Variants in PXDNL observed in about 807,000 individuals in gnomAD.
PXDNL encodes the protein peroxidasin like, also known as probable oxidoreductase PXDNL.
PXDNL carries 145 observed loss-of-function variants against 150.8 expected under a neutral mutation model. The observed-to-expected ratio is 0.96, with a 90% CI of 0.84 to 1.10. PXDNL has a LOEUF of 1.10. Ranked by LOEUF, PXDNL falls within the 50% of genes least tolerant of loss-of-function variation. The pLI is 0.00. For synonymous variants in PXDNL, 757 were observed against 725.7 expected (o/e 1.04, Z -0.69); for missense variants, 2,087 against 1,873.9 (o/e 1.11, Z -2.10).
chr8:51,595,286 G>A (rs1010614514), intron 2 of PXDNL, among the ~76,000 whole-genome samples: 2 of 151,968 alleles, frequency 1.3e-5, no homozygotes, highest in Admixed American at 1.3e-4. Flanking sequence ...ATACTGTGTG[G>A]TTGGAAATAT....
At chr8:51,611,430 T>G (rs1813997691) in intron 2 of PXDNL, among the ~76,000 whole-genome samples, 1 of 152,140 alleles carries the variant, frequency 6.6e-6, no homozygotes, top group Admixed American at 6.5e-5. Context: ...TTTTAAGGAG[T>G]CTTAACTATT....
At chr8:51,624,279 C>A (rs7012523) in intron 2 of PXDNL, among the ~76,000 whole-genome samples, 11,135 of 152,026 alleles carry the variant, frequency 0.073, 1,367 homozygotes, top group African/African-American at 0.25. Context: ...CTATGCAGCA[C>A]CAGACCAGGC....
chr8:51,556,135 G>A (rs116386871), intron 4 of PXDNL, among the ~76,000 whole-genome samples: 2,239 of 152,166 alleles, frequency 0.015, 54 homozygotes, highest in African/African-American at 0.05. Flanking sequence ...AGCTGGGCAT[G>A]ATGGGGCATA....
At chr8:51,790,024 T>C (rs1490887192) in intron 1 of PXDNL, among the ~76,000 whole-genome samples, 1 of 152,206 alleles carries the variant, frequency 6.6e-6, no homozygotes, top group Non-Finnish European at 1.5e-5. Context: ...AACAATCCAA[T>C]GCTTGTTTTT....
Position 51,449,035 on chromosome 8 carries a change from TGCCGTCAGCTTCACAGA to T in PXDNL, c.1316_1332del (p.Leu439GlnfsTer32). 2 of 1,551,446 alleles carry T rather than the reference TGCCGTCAGCTTCACAGA, an allele frequency of 1.3e-6. No homozygotes were observed. Among genetic ancestry groups the T allele is most frequent in the South Asian group, 1.2e-5 (1 of 84,082 alleles). On this transcript the variant is annotated frameshift_variant, in exon 11 of 23. Coordinates refer to ENST00000356297, the MANE Select transcript of PXDNL (RefSeq NM_144651.5). LOFTEE classifies it high-confidence loss of function. ...GTCCAGACAATAACAGGAGGTGGGT[TGCCGTCAGCTTCACAGA>T]GCCACTCTACAGCATGTTCTTCCAG...
intron 17 of PXDNL, among the ~76,000 whole-genome samples, chr8:51,380,363 C>CT (rs1455767153): frequency 6.6e-6 from 1 of 152,186 alleles, no homozygotes; most frequent in South Asian, 2.1e-4. Context: ...CAAAGAAGCA[C>CT]TACTAAGCTC....
intron 2 of PXDNL, among the ~76,000 whole-genome samples, chr8:51,623,374 A>G (rs1274826684): frequency 6.6e-6 from 1 of 152,216 alleles, no homozygotes; most frequent in East Asian, 1.9e-4. Context: ...TAAAAAGATC[A>G]CATGAATTCT....
intron 2 of PXDNL, among the ~76,000 whole-genome samples, chr8:51,634,473 G>A (rs1814561274): frequency 1.3e-5 from 2 of 152,042 alleles, no homozygotes; most frequent in Admixed American, 6.6e-5. Context: ...CTGTCATTTG[G>A]TTCCGTATTA....
rs183511364 is a variant in PXDNL, at chr8:51,574,630, A to G, written c.309-17719T>C. ...ATCTAAATCAAGATACTTCATATTC[A>G]AATATCAGAAAACTAAAAAAAAAGA... On this transcript the variant is annotated intron_variant, in intron 3 of 22. Transcript: ENST00000356297. 3.9e-4 allele frequency among the ~76,000 whole-genome samples: 59 copies of G among 152,196 alleles called. 1 individual carries two copies. The East Asian group carries it at 6.2e-3, about 16-fold the overall frequency.
chr8:51,441,302 A>G (rs1446419411), intron 12 of PXDNL, among the ~76,000 whole-genome samples: 1 of 152,220 alleles, frequency 6.6e-6, no homozygotes, highest in African/African-American at 2.4e-5. Context: ...ACCCAGTCTC[A>G]GGTATTTCTT....
At chr8:51,493,334 A>T (rs1450236334) in intron 5 of PXDNL, among the ~76,000 whole-genome samples, 1 of 152,216 alleles carries the variant, frequency 6.6e-6, no homozygotes, top group Non-Finnish European at 1.5e-5. Flanking sequence ...GATGGGGAAA[A>T]AAACAGAGCA....
At position 51,633,153 on chromosome 8, in the gene PXDNL, G is replaced by A. The variant is rs1432267668; in HGVS notation, c.236+21536C>T. Among the ~76,000 whole-genome samples, 3 of 152,096 alleles carry A rather than the reference G, an allele frequency of 2.0e-5. No homozygotes were observed. The East Asian group carries it at 5.8e-4, about 29-fold the overall frequency. ...TTACAAGTGAGAACACATGGTATTT[G>A]GTTTTTCTGTTTCTGCATTAATGTG... On this transcript the variant is annotated intron_variant, in intron 2 of 22. Coordinates refer to ENST00000356297, the MANE Select transcript of PXDNL (RefSeq NM_144651.5).
Position 51,696,831 on chromosome 8 carries a change from A to ATC in PXDNL, c.165-42072_165-42071insGA, listed in dbSNP as rs1563510387. Among the ~76,000 whole-genome samples, 241 of 149,698 alleles carry ATC rather than the reference A, an allele frequency of 1.6e-3. 1 individual carries two copies. The highest frequency in any genetic ancestry group is 2.0e-3 in the East Asian group (10 of 5,088). On this transcript the variant is annotated intron_variant, in intron 1 of 22. Coordinates refer to ENST00000356297, the MANE Select transcript of PXDNL (RefSeq NM_144651.5). ...CACACACACACACACACACACACAC[A>ATC]CACACACAGGTCCTGACACACACAC...
chr8:51,521,778 GAT>G (rs1209370740), intron 4 of PXDNL, among the ~76,000 whole-genome samples: 1 of 152,022 alleles, frequency 6.6e-6, no homozygotes, highest in African/African-American at 2.4e-5. Flanking sequence ...AAGAAAAAAA[GAT>G]AAACTTATCT....
At chr8:51,352,971 T>G (rs1295914319) in intron 19 of PXDNL, among the ~76,000 whole-genome samples, 1 of 151,430 alleles carries the variant, frequency 6.6e-6, no homozygotes, top group Non-Finnish European at 1.5e-5. Flanking sequence ...GGGAGGAGAG[T>G]GAGTATTGAA....
At chr8:51,779,622 G>A (rs1032402891) in intron 1 of PXDNL, among the ~76,000 whole-genome samples, 7 of 152,180 alleles carry the variant, frequency 4.6e-5, no homozygotes, top group East Asian at 3.9e-4. Flanking sequence ...CTGATGGCAC[G>A]CAGCTCCCAG....
At chr8:51,667,234 T>C (rs185483563) in intron 1 of PXDNL, among the ~76,000 whole-genome samples, 3 of 152,318 alleles carry the variant, frequency 2.0e-5, no homozygotes, top group African/African-American at 7.2e-5. Flanking sequence ...TACTATTCTG[T>C]AAGTGCCCCG....
chr8:51,460,250 CAA>C (rs879324201), intron 8 of PXDNL, among the ~76,000 whole-genome samples: 5 of 122,756 alleles, frequency 4.1e-5, no homozygotes, highest in African/African-American at 6.0e-5. Flanking sequence ...CTGTCTGTCT[CAA>C]AAAAAAAAAA....
chr8:51,738,957 A>G (rs2036871085), intron 1 of PXDNL, among the ~76,000 whole-genome samples: 2 of 152,120 alleles, frequency 1.3e-5, no homozygotes, highest in African/African-American at 2.4e-5. Flanking sequence ...CTACACACCA[A>G]TATCTCTCAT....
Sources: allele counts gnomAD v4.1 joint callset (sites outside exome capture counted in the v4.1 genomes callset), GRCh38; gene constraint gnomAD v4.1.1; transcripts MANE v1.5; gene names NCBI Gene and HGNC (gene_info 2026-07-23, HGNC 2026-07-21).